Variants in SNAP25 observed in about 807,000 individuals in gnomAD.
The protein encoded by SNAP25 is synaptosome associated protein 25, also known as synaptosomal-associated protein 25.
Under a neutral mutation model 28.7 loss-of-function variants are expected in SNAP25, and 3 were observed. That is an observed-to-expected ratio of 0.10 (90% CI 0.05 to 0.27). The LOEUF (loss-of-function observed/expected upper bound fraction) is 0.27, where lower values mean the gene tolerates loss of function less well. Among genes scored for constraint, SNAP25 ranks in the 10% least tolerant of loss-of-function variants. The probability of loss-of-function intolerance (pLI) is 1.00; values close to 1 mark genes in which losing one functional copy is unlikely to be tolerated. For missense variants in SNAP25, 117 were observed against 278.7 expected (o/e 0.42, Z 4.13); for synonymous variants, 61 against 88.1 (o/e 0.69, Z 1.72).
rs1043065444 is a variant in SNAP25 at position 10,240,829 on chromosome 20, C to A, written c.-64+21852C>A. Among the ~76,000 whole-genome samples, 3 of 152,216 alleles carry A rather than the reference C, an allele frequency of 2.0e-5. No individual in the cohort carries two copies. The East Asian group carries it at 5.8e-4, about 29-fold the overall frequency. On this transcript the variant is annotated intron_variant, in intron 1 of 7. Transcript: ENST00000254976. ...TCCAGAGGAGGCTAGGCTCGCAGAG[C>A]CCTGGAAGAGCAGGCAGGGGGCTCT...
chr20:10,306,408 T>C lies in SNAP25; in HGVS notation c.*211T>C, dbSNP rs1249519083. ...CTTTCTTTCCAAAGGTTGTACATAG[T>C]GGTCATTTGGTGGCTCTAACTCCTT... is the stretch of plus-strand genomic sequence containing the variant. On this transcript the variant is annotated 3_prime_UTR_variant, in exon 8 of 8. Transcript: ENST00000254976. 2 of 462,202 alleles carry C rather than the reference T, an allele frequency of 4.3e-6. No individual in the cohort carries two copies. The highest frequency in any genetic ancestry group is 4.0e-5 in the African/African-American group (2 of 49,678). 28.6% of individuals were successfully genotyped at this position (462,202 alleles called of 1,614,324 possible). A position where few individuals can be genotyped will look rare whatever the true frequency, so the allele number is the denominator to read the frequency against.
At chr20:10,300,743 T>C (rs542721928) in intron 7 of SNAP25, among the ~76,000 whole-genome samples, 3 of 152,330 alleles carry the variant, frequency 2.0e-5, no homozygotes, top group East Asian at 3.9e-4. Context: ...ACGCAAACTT[T>C]AGTGTTGGTT....
chr20:10,286,326 A>G (rs1373227782), intron 4 of SNAP25, among the ~76,000 whole-genome samples: 1 of 152,212 alleles, frequency 6.6e-6, no homozygotes, highest in East Asian at 1.9e-4. Flanking sequence ...GGAAGCAATT[A>G]GAAGCAAAAG....
At chr20:10,249,324 G>T (rs2063184525) in intron 1 of SNAP25, among the ~76,000 whole-genome samples, 1 of 152,128 alleles carries the variant, frequency 6.6e-6, no homozygotes, top group Admixed American at 6.5e-5. Context: ...GCCCCCAGCA[G>T]CTTCCACATG....
intron 1 of SNAP25, among the ~76,000 whole-genome samples, chr20:10,274,050 A>C (rs1316381562): frequency 6.6e-6 from 1 of 152,094 alleles, no homozygotes. Flanking sequence ...AATTCTGTAA[A>C]GGCAGGGAAT....
intron 1 of SNAP25, among the ~76,000 whole-genome samples, chr20:10,261,942 TA>T (rs960710804): frequency 1.2e-4 from 18 of 152,228 alleles, no homozygotes; most frequent in African/African-American, 3.6e-4. Flanking sequence ...CAGAAGGCAG[TA>T]AAAAATAACA....
chr20:10,270,187 G>A (rs1169537666), intron 1 of SNAP25, among the ~76,000 whole-genome samples: 15 of 152,170 alleles, frequency 9.9e-5, no homozygotes, highest in Admixed American at 7.2e-4. Context: ...CTGGGAGGCA[G>A]AGGTTGTGGT....
chr20:10,257,611 T>C (rs984588361), intron 1 of SNAP25, among the ~76,000 whole-genome samples: 2 of 152,094 alleles, frequency 1.3e-5, no homozygotes, highest in African/African-American at 4.8e-5. Context: ...CTCAGGAGGC[T>C]GAGGCAGGAG....
intron 1 of SNAP25, among the ~76,000 whole-genome samples, chr20:10,252,746 G>T (rs552064015): frequency 9.4e-5 from 14 of 148,650 alleles, no homozygotes; most frequent in Non-Finnish European, 1.8e-4. Context: ...TGATATAAAA[G>T]AATTTTCTCA....
chr20:10,248,491 G>C (rs921375091), intron 1 of SNAP25, among the ~76,000 whole-genome samples: 11 of 152,144 alleles, frequency 7.2e-5, no homozygotes, highest in Admixed American at 5.9e-4. Context: ...GGCATAACAT[G>C]ACCTTGTTTC....
chr20:10,271,913 C>T (rs538944222), intron 1 of SNAP25, among the ~76,000 whole-genome samples: 14 of 152,174 alleles, frequency 9.2e-5, no homozygotes, highest in Admixed American at 6.5e-4. Flanking sequence ...ATACACATTT[C>T]CCCCCCAGGA....
chr20:10,232,693 G>T (rs2062848458), intron 1 of SNAP25, among the ~76,000 whole-genome samples: 1 of 152,208 alleles, frequency 6.6e-6, no homozygotes. Context: ...CAAAGTAGAT[G>T]AAGTCCTGTT....
intron 1 of SNAP25, among the ~76,000 whole-genome samples, chr20:10,256,442 C>T (rs553907451): frequency 1.2e-4 from 18 of 151,936 alleles, no homozygotes; most frequent in South Asian, 6.3e-4. Flanking sequence ...TGGATTAAAA[C>T]GTTGAATTAA....
At chr20:10,253,172 G>A (rs1449281980) in intron 1 of SNAP25, among the ~76,000 whole-genome samples, 1 of 152,174 alleles carries the variant, frequency 6.6e-6, no homozygotes, top group East Asian at 1.9e-4. Context: ...TCTTGACCAG[G>A]TCACTTGTCT....
chr20:10,297,590 A>T (rs1416487843), intron 6 of SNAP25, among the ~76,000 whole-genome samples: 8 of 152,220 alleles, frequency 5.3e-5, no homozygotes, highest in Non-Finnish European at 1.5e-5. Context: ...TTACCACCAT[A>T]GTCCTGGGGG....
At chr20:10,227,130 T>C (rs1047045768) in intron 1 of SNAP25, among the ~76,000 whole-genome samples, 1 of 152,096 alleles carries the variant, frequency 6.6e-6, no homozygotes, top group Admixed American at 6.6e-5. Flanking sequence ...AGTAGAATTA[T>C]GTAGTGATTC....
chr20:10,301,585 G>C (rs2064237161), intron 7 of SNAP25, among the ~76,000 whole-genome samples: 1 of 151,896 alleles, frequency 6.6e-6, no homozygotes, highest in Non-Finnish European at 1.5e-5. Flanking sequence ...GCATATCTAA[G>C]ATGTAATTGC....
chr20:10,224,665 T>A (rs1004037034), intron 1 of SNAP25, among the ~76,000 whole-genome samples: 1 of 151,700 alleles, frequency 6.6e-6, no homozygotes, highest in East Asian at 2.0e-4. Context: ...CAATCCTTAT[T>A]TTTTCCCCCC....
chr20:10,219,487 C>T (rs565377643), intron 1 of SNAP25: 1 of 152,366 alleles, frequency 6.6e-6, no homozygotes, highest in African/African-American at 2.4e-5. Context: ...CCTCCATGCC[C>T]CGCGGACTTG....
Sources: gnomAD v4.1 joint callset for allele counts (sites outside exome capture counted in the v4.1 genomes callset) on GRCh38, gnomAD v4.1.1 for gene constraint, MANE v1.5 for transcripts, NCBI Gene and HGNC (gene_info 2026-07-23, HGNC 2026-07-21) for gene names.